Variants in HDAC9 observed in about 807,000 individuals in gnomAD.
HDAC9 encodes the protein histone deacetylase 9, also known as MEF-2 interacting transcription repressor (MITR) protein.
HDAC9 carries 41 observed loss-of-function variants against 139.4 expected under a neutral mutation model. That is an observed-to-expected ratio of 0.29 (90% CI 0.23 to 0.38). The LOEUF is 0.38. HDAC9 is among the 10% of genes least tolerant of loss of function. The probability of loss-of-function intolerance (pLI) is 1.00; values close to 1 mark genes in which losing one functional copy is unlikely to be tolerated. For synonymous variants in HDAC9, 517 were observed against 476.2 expected, an observed-to-expected ratio of 1.09 and a Z score of -1.12; for missense variants, 1,147 against 1,297.0, an observed-to-expected ratio of 0.88 and a Z score of 1.78.
Position 19,002,123 on chromosome 7 carries a change from T to G in HDAC9, c.*6061T>G, listed in dbSNP as rs1208434141. 1 of 152,106 alleles carries G rather than the reference T, an allele frequency of 6.6e-6. No homozygotes were observed. The highest frequency in any genetic ancestry group is 1.5e-5 in the Non-Finnish European group (1 of 67,940). 9.4% of individuals were successfully genotyped at this position (152,106 alleles called of 1,614,324 possible). A position where few individuals can be genotyped will look rare whatever the true frequency, so the allele number is the denominator to read the frequency against. On this transcript the variant is annotated 3_prime_UTR_variant, in exon 26 of 26. Coordinates refer to ENST00000686413, the MANE Select transcript of HDAC9 (RefSeq NM_178425.4). ...CTGAGAAAAATACATGTTGCCAAAC[T>G]TTTCTTAAAATTGTGCTGCCAGTGG...
chr7:18,729,623 A>T (rs897773793), intron 13 of HDAC9, among the ~76,000 whole-genome samples: 5 of 152,208 alleles, frequency 3.3e-5, no homozygotes, highest in Non-Finnish European at 5.9e-5. Context: ...CATAAACAGG[A>T]CATAATCCTA....
intron 6 of HDAC9, among the ~76,000 whole-genome samples, chr7:18,620,659 A>G (rs1839973965): frequency 6.6e-6 from 1 of 152,166 alleles, no homozygotes; most frequent in Admixed American, 6.5e-5. Flanking sequence ...GGAGGAGGAA[A>G]AGTGCTGCTC....
chr7:18,301,434 A>G (rs1183778868), intron 1 of HDAC9, among the ~76,000 whole-genome samples: 2 of 152,154 alleles, frequency 1.3e-5, no homozygotes, highest in Non-Finnish European at 2.9e-5. Context: ...GATACATTAT[A>G]GATTTTTTTT....
chr7:18,716,545 C>CAT lies in HDAC9; in HGVS notation c.1732-11021_1732-11020dup, dbSNP rs61663673. On this transcript the variant is annotated intron_variant, in intron 12 of 25. Coordinates refer to ENST00000686413, the MANE Select transcript of HDAC9 (RefSeq NM_178425.4). ...AAACATTTCTAAAGCAACTAGTTTT[C>CAT]ATATATATATATATAAATGCATAGT... 7.0e-4 allele frequency among the ~76,000 whole-genome samples: 105 copies of CAT among 150,696 alleles called. No individual in the cohort carries two copies. The East Asian group carries it at 7.8e-3, about 11-fold the overall frequency.
At position 18,694,305 on chromosome 7, in the gene HDAC9, A is replaced by G. The variant is rs1782880156; in HGVS notation, c.1731+27829A>G. On this transcript the variant is annotated intron_variant, in intron 12 of 25. Transcript: ENST00000686413. ...AAGGGTTAATTGTCACAAAGGATCT[A>G]ATGAATGTGTTGATTTCTTCTCCTT... 5.3e-5 allele frequency among the ~76,000 whole-genome samples: 8 copies of G among 152,290 alleles called. No homozygotes were observed. In the South Asian group the frequency reaches 1.5e-3, roughly 28 times the overall value.
intron 6 of HDAC9, among the ~76,000 whole-genome samples, chr7:18,597,398 T>C (rs1156234839): frequency 6.6e-6 from 1 of 152,154 alleles, no homozygotes; most frequent in Non-Finnish European, 1.5e-5. Context: ...GATAGGAAAA[T>C]TTGGAATATT....
At chr7:18,855,445 C>A (rs1470477221) in intron 21 of HDAC9, among the ~76,000 whole-genome samples, 1 of 151,890 alleles carries the variant, frequency 6.6e-6, no homozygotes, top group Non-Finnish European at 1.5e-5. Context: ...GCTCTATCCA[C>A]CTCATTTCTA....
intron 2 of HDAC9, among the ~76,000 whole-genome samples, chr7:18,227,279 A>G (rs1291735058): frequency 2.0e-5 from 3 of 152,186 alleles, no homozygotes; most frequent in African/African-American, 7.2e-5. Context: ...ACTTATTTAA[A>G]TAAAATTATT....
At position 18,829,656 on chromosome 7, in the gene HDAC9, A is replaced by T. The variant is rs567873107; in HGVS notation, c.2466+108A>T. The stretch of plus-strand genomic sequence containing the variant: ...GCTTTTAGCACTTGCAAACAACTGA[A>T]GGGTGTGTTTTCCTTTGAATGTGGA... On this transcript the variant is annotated intron_variant, in intron 19 of 25. Transcript: ENST00000686413. The T allele has an allele frequency of 1.1e-4, 78 of 681,056 alleles. 3 individuals are homozygous for T. The South Asian group carries it at 1.4e-3, about 12-fold the overall frequency. 42.2% of individuals were successfully genotyped at this position (681,056 alleles called of 1,614,324 possible). A position where few individuals can be genotyped will look rare whatever the true frequency, so the allele number is the denominator to read the frequency against.
At chr7:18,454,269 T>C (rs1356683594) in intron 1 of HDAC9, among the ~76,000 whole-genome samples, 6 of 152,120 alleles carry the variant, frequency 3.9e-5, no homozygotes, top group Admixed American at 3.3e-4. Context: ...ATTAATCTTA[T>C]AATTTTAGGT....
intron 1 of HDAC9, among the ~76,000 whole-genome samples, chr7:18,389,984 G>GT (rs1786306651): frequency 6.6e-6 from 1 of 150,902 alleles, no homozygotes; most frequent in Admixed American, 6.6e-5. Context: ...ATCAATTAGT[G>GT]TAGTTGTTCT....
intron 2 of HDAC9, among the ~76,000 whole-genome samples, chr7:18,511,199 AC>A (rs1425415131): frequency 4.6e-5 from 7 of 152,166 alleles, no homozygotes; most frequent in Admixed American, 3.3e-4. Context: ...GCTTAACCTA[AC>A]TTTTATATTG....
At chr7:18,376,686 A>C (rs1785016554) in intron 1 of HDAC9, among the ~76,000 whole-genome samples, 1 of 152,136 alleles carries the variant, frequency 6.6e-6, no homozygotes. Context: ...GCTGAAGCTA[A>C]GGTCCAGTTA....
At chr7:18,595,013 A>G (rs1015267526) in intron 6 of HDAC9, among the ~76,000 whole-genome samples, 18 of 152,098 alleles carry the variant, frequency 1.2e-4, no homozygotes, top group Non-Finnish European at 1.6e-4. Context: ...AGCAATTTTG[A>G]GAAATTAAAA....
chr7:18,735,842 G>A (rs1415405762), intron 13 of HDAC9, among the ~76,000 whole-genome samples: 3 of 152,150 alleles, frequency 2.0e-5, no homozygotes, highest in South Asian at 2.1e-4. Context: ...CCATTTTCAC[G>A]ATATTGGTTC....
intron 24 of HDAC9, among the ~76,000 whole-genome samples, chr7:18,970,888 G>C (rs1214158956): frequency 6.6e-6 from 1 of 152,178 alleles, no homozygotes; most frequent in African/African-American, 2.4e-5. Context: ...TCTGGGGTCA[G>C]GAAGTTTTCA....
At chr7:18,641,948 A>T (rs982540947) in intron 8 of HDAC9, among the ~76,000 whole-genome samples, 1 of 152,102 alleles carries the variant, frequency 6.6e-6, no homozygotes, top group Non-Finnish European at 1.5e-5. Flanking sequence ...CAAAAAGCAT[A>T]GTTGAGGAAA....
chr7:18,839,833 A>G (rs931002841), intron 21 of HDAC9, among the ~76,000 whole-genome samples: 2 of 152,054 alleles, frequency 1.3e-5, no homozygotes, highest in African/African-American at 2.4e-5. Context: ...GATTGGGCAC[A>G]TTATTTTTTC....
intron 1 of HDAC9, among the ~76,000 whole-genome samples, chr7:18,138,055 G>A (rs888300820): frequency 7.9e-5 from 12 of 152,188 alleles, no homozygotes; most frequent in African/African-American, 2.9e-4. Flanking sequence ...TGTTGAGGAA[G>A]TTATGCATTA....
Sources: gnomAD v4.1 joint callset for allele counts (sites outside exome capture counted in the v4.1 genomes callset) on GRCh38, gnomAD v4.1.1 for gene constraint, MANE v1.5 for transcripts, NCBI Gene and HGNC (gene_info 2026-07-23, HGNC 2026-07-21) for gene names.